Variants in VTI1A observed in about 807,000 individuals in gnomAD.
VTI1A encodes the protein vesicle transport through interaction with t-SNAREs 1A.
A neutral mutation model predicts 34.9 loss-of-function variants in VTI1A; 22 were observed. The ratio of observed to expected loss-of-function variants is 0.63; its 90% confidence interval spans 0.45 to 0.90. The LOEUF (loss-of-function observed/expected upper bound fraction) is 0.90. Ranked by LOEUF, VTI1A falls within the 40% of genes least tolerant of loss-of-function variation. The probability of loss-of-function intolerance (pLI) is 0.00; values close to 1 mark genes in which losing one functional copy is unlikely to be tolerated. For missense variants in VTI1A, 268 were observed against 275.6 expected (o/e 0.97, Z 0.20); for synonymous variants, 87 against 97.3 (o/e 0.89, Z 0.62).
rs1322130240 is a variant in VTI1A at position 112,447,461 on chromosome 10, C to T, written c.88C>T (p.Pro30Ser). 6.2e-7 allele frequency: 1 copy of T among 1,613,314 alleles called. No homozygotes were observed. Among genetic ancestry groups the T allele is most frequent in the Non-Finnish European group, 8.5e-7 (1 of 1,179,876 alleles). ...CAAGATTGCGAGGGTCCCACGACTC[C>T]CGCCTGGTGAGAGCCTTGCCCGGCT... ...TSKIARVPRL[P>S]PDEKKQMVAN... The change falls in exon 1 of 8, where the codon CCG (proline) becomes TCG (serine). Residue 30 changes from proline to serine, a missense_variant. By Grantham distance (74) the Pro-to-Ser change is moderately conservative. Transcript: ENST00000393077.
the VTI1A span, among the ~76,000 whole-genome samples, chr10:112,846,563 A>C: frequency 6.6e-6 from 1 of 152,110 alleles, no homozygotes; most frequent in Non-Finnish European, 1.5e-5. Flanking sequence ...TCAGGAGATC[A>C]AGACCATCCT....
At chr10:112,697,866 ATGTGTGTGTGTGTGTG>A (rs67142519) in intron 7 of VTI1A, among the ~76,000 whole-genome samples, 4 of 134,824 alleles carry the variant, frequency 3.0e-5, no homozygotes, top group Non-Finnish European at 5.1e-5. Context: ...TAGCATTTAC[ATGTGTGTGTGTGTGTG>A]TGTGTGTGTG....
At chr10:112,464,728 C>A in intron 3 of VTI1A, 71 bp downstream of exon 3, 1 of 1,319,438 alleles carries the variant, frequency 7.6e-7, no homozygotes, top group Non-Finnish European at 1.1e-6. Context: ...CCTCAGTCAG[C>A]ATTAAATGCA....
In VTI1A at chr10:112,538,253, A is replaced by G; in HGVS notation, c.350A>G (p.His117Arg). ...DGNSSENQRA[H>R]LLDNTERLER... ...CCCCTTTTTCTTTTTCAGAGGGCAC[A>G]TCTGCTCGATAACACAGAGAGGCTG... Residue 117 changes from histidine (H) to arginine (R), a missense_variant, in exon 5 of 8, where the codon CAT becomes CGT. Coordinates refer to ENST00000393077, the MANE Select transcript of VTI1A (RefSeq NM_145206.4). 6.2e-7 allele frequency: 1 copy of G among 1,613,198 alleles called. No individual in the cohort carries two copies. Among genetic ancestry groups the G allele is most frequent in the Non-Finnish European group, 8.5e-7 (1 of 1,179,686 alleles).
At chr10:112,854,038 G>A in the VTI1A span, among the ~76,000 whole-genome samples, 1 of 152,014 alleles carries the variant, frequency 6.6e-6, no homozygotes, top group East Asian at 1.9e-4. Context: ...ACCCTGCTCA[G>A]CATGAACCTA....
At chr10:112,813,056 G>A (rs778015879) in intron 7 of VTI1A, among the ~76,000 whole-genome samples, 1 of 152,206 alleles carries the variant, frequency 6.6e-6, no homozygotes, top group East Asian at 1.9e-4. Flanking sequence ...CAACGCGACT[G>A]TGCCATGTGC....
intron 7 of VTI1A, among the ~76,000 whole-genome samples, chr10:112,792,258 G>A (rs1852508451): frequency 6.6e-6 from 1 of 152,176 alleles, no homozygotes; most frequent in Non-Finnish European, 1.5e-5. Context: ...CTGGGCGACA[G>A]TGCAAGAGAA....
intron 7 of VTI1A, among the ~76,000 whole-genome samples, chr10:112,771,428 TG>T (rs1851813245): frequency 6.6e-6 from 1 of 152,186 alleles, no homozygotes; most frequent in African/African-American, 2.4e-5. Context: ...CCATAGGAAC[TG>T]GGGAGGGAAC....
chr10:112,513,020 G>A lies in VTI1A; in HGVS notation c.265-14067G>A, dbSNP rs992980866. Reference sequence around the variant, plus strand: ...TGCTCAGGATTGCTTTGGAGATTTGGATTCATTTTTGGTTCCATATAATTT... The same window carrying A: ...TGCTCAGGATTGCTTTGGAGATTTGAATTCATTTTTGGTTCCATATAATTT... On this transcript the variant is annotated intron_variant, in intron 3 of 7. Coordinates refer to ENST00000393077, the MANE Select transcript of VTI1A (RefSeq NM_145206.4). Among the ~76,000 whole-genome samples, 3 of 152,086 alleles carry A rather than the reference G, an allele frequency of 2.0e-5. No individual in the cohort carries two copies. In the South Asian group the frequency reaches 6.2e-4, roughly 32 times the overall value.
At chr10:112,641,056 A>G (rs1293344013) in intron 5 of VTI1A, among the ~76,000 whole-genome samples, 1 of 152,036 alleles carries the variant, frequency 6.6e-6, no homozygotes, top group Non-Finnish European at 1.5e-5. Context: ...ACTATTACAG[A>G]AAAAGCAAAA....
chr10:112,794,276 G>C (rs914236171), intron 7 of VTI1A, among the ~76,000 whole-genome samples: 1 of 152,104 alleles, frequency 6.6e-6, no homozygotes, highest in Non-Finnish European at 1.5e-5. Context: ...CATGATCCTG[G>C]CCAGGCGCAT....
chr10:112,719,385 C>T (rs12257414), intron 7 of VTI1A, among the ~76,000 whole-genome samples: 1 of 152,094 alleles, frequency 6.6e-6, no homozygotes, highest in South Asian at 2.1e-4. Flanking sequence ...TTAAATGGAA[C>T]TGATTCTTGA....
Position 112,796,846 on chromosome 10 carries a change from C to T in VTI1A, c.561-18444C>T, listed in dbSNP as rs556452790. The stretch of plus-strand genomic sequence containing the variant: ...TTTTTTCCCCCTTTCTGCAGTTCTG[C>T]CTTGGCTATTCCCAAGATTTCTCTG... On this transcript the variant is annotated intron_variant, in intron 7 of 7. Transcript: ENST00000393077. Among the ~76,000 whole-genome samples, 5 of 152,278 alleles carry T rather than the reference C, an allele frequency of 3.3e-5. No individual in the cohort carries two copies. The East Asian group carries it at 9.7e-4, about 29-fold the overall frequency.
chr10:112,542,545 G>C (rs1816025228), intron 5 of VTI1A, among the ~76,000 whole-genome samples: 1 of 152,156 alleles, frequency 6.6e-6, no homozygotes, highest in South Asian at 2.1e-4. Flanking sequence ...CATTCTGTGA[G>C]CCTTCCTGCC....
chr10:112,499,137 T>TA (rs1359137346), intron 3 of VTI1A, among the ~76,000 whole-genome samples: 2 of 152,138 alleles, frequency 1.3e-5, no homozygotes, highest in African/African-American at 4.8e-5. Context: ...TAAGGAAAAA[T>TA]TAGAGTATTT....
intron 7 of VTI1A, among the ~76,000 whole-genome samples, chr10:112,794,632 T>C (rs1852611257): frequency 6.6e-6 from 1 of 152,188 alleles, no homozygotes; most frequent in Admixed American, 6.5e-5. Context: ...ATTATTTACA[T>C]TTCAATGTAT....
chr10:112,670,895 C>T (rs190681747), intron 7 of VTI1A, among the ~76,000 whole-genome samples: 2 of 152,308 alleles, frequency 1.3e-5, no homozygotes, highest in East Asian at 3.9e-4. Context: ...TGTTCATATG[C>T]ATGACAATGT....
intron 5 of VTI1A, among the ~76,000 whole-genome samples, chr10:112,538,937 A>G (rs1028460181): frequency 1.3e-5 from 2 of 152,222 alleles, no homozygotes; most frequent in African/African-American, 4.8e-5. Flanking sequence ...TTTTGGTTTG[A>G]ATTAATACCA....
At chr10:112,458,273 C>T (rs1847608076) in intron 1 of VTI1A, among the ~76,000 whole-genome samples, 3 of 152,170 alleles carry the variant, frequency 2.0e-5, no homozygotes, top group Admixed American at 6.5e-5. Flanking sequence ...AATACACCAT[C>T]TCAGTTTTGA....
Sources: allele counts gnomAD v4.1 joint callset (sites outside exome capture counted in the v4.1 genomes callset), GRCh38; gene constraint gnomAD v4.1.1; transcripts MANE v1.5; gene names NCBI Gene and HGNC (gene_info 2026-07-23, HGNC 2026-07-21).